The following HCN1 variants were observed in gnomAD, a reference collection of about 807,000 sequenced individuals.
HCN1 encodes hyperpolarization activated cyclic nucleotide gated potassium channel 1.
Under a neutral mutation model 78.9 loss-of-function variants are expected in HCN1, and 13 were observed. The ratio of observed to expected loss-of-function variants is 0.16; its 90% CI spans 0.11 to 0.26. The LOEUF is 0.26. Among genes scored for constraint, HCN1 ranks in the 10% least tolerant of loss-of-function variants. The pLI, the probability that HCN1 is intolerant of heterozygous loss-of-function variation, is 1.00. For missense variants in HCN1, 810 were observed against 1,154.3 expected (o/e 0.70, Z 4.32); for synonymous variants, 552 against 455.5 (o/e 1.21, Z -2.70).
At chr5:45,594,848 T>C (rs1220860141) in intron 2 of HCN1, among the ~76,000 whole-genome samples, 1 of 152,130 alleles carries the variant, frequency 6.6e-6, no homozygotes, top group African/African-American at 2.4e-5. Flanking sequence ...AGTACAGAAG[T>C]TCTATCAGTG....
At chr5:45,497,696 A>C (rs1371403318) in intron 2 of HCN1, among the ~76,000 whole-genome samples, 2 of 151,892 alleles carry the variant, frequency 1.3e-5, no homozygotes, top group Admixed American at 6.6e-5. Flanking sequence ...CATTTAGTAC[A>C]TTTACATGAA....
In HCN1 at chr5:45,573,934, A is replaced by G. The variant is rs2625503; in HGVS notation, c.849+71251T>C. On this transcript the variant is annotated intron_variant, in intron 2 of 7. Transcript: ENST00000303230. ...AGAAAAATACACTGAATTTGCCCTT[A>G]TAAATTATAATTTGTAAAAATTAAT... Among the ~76,000 whole-genome samples the G allele has an allele frequency of 7.3e-3, 1,119 of 152,270 alleles. 11 individuals are homozygous for G. The highest frequency in any genetic ancestry group is 0.026 in the African/African-American group (1,070 of 41,580).
intron 2 of HCN1, among the ~76,000 whole-genome samples, chr5:45,538,972 G>T (rs1327390022): frequency 6.6e-6 from 1 of 152,114 alleles, no homozygotes; most frequent in African/African-American, 2.4e-5. Flanking sequence ...CTTTCTCAAT[G>T]AAACAATCGA....
chr5:45,603,766 C>T (rs1467682700), intron 2 of HCN1, among the ~76,000 whole-genome samples: 1 of 151,914 alleles, frequency 6.6e-6, no homozygotes, highest in East Asian at 1.9e-4. Flanking sequence ...TGAAAACATG[C>T]CCCAATATAG....
intron 2 of HCN1, among the ~76,000 whole-genome samples, chr5:45,531,167 G>T (rs1322592649): frequency 1.3e-5 from 2 of 152,022 alleles, no homozygotes; most frequent in East Asian, 3.9e-4. Flanking sequence ...TGTTTCACAT[G>T]AATAATCTAT....
Position 45,466,065 on chromosome 5 carries a change from C to T in HCN1, c.850-4058G>A, listed in dbSNP as rs192768899. ...AAATTCTACCTTAATATTTGCGAAT[C>T]GTTCATCATAAATGTGATTTTTTGT... On this transcript the variant is annotated intron_variant, in intron 2 of 7. Transcript: ENST00000303230. 3.8e-3 allele frequency among the ~76,000 whole-genome samples: 578 copies of T among 152,242 alleles called. 4 individuals are homozygous for T. The highest frequency in any genetic ancestry group is 5.3e-3 in the Non-Finnish European group (361 of 68,002).
At chr5:45,559,765 C>T (rs945968384) in intron 2 of HCN1, 9 of 152,276 alleles carry the variant, frequency 5.9e-5, no homozygotes, top group African/African-American at 2.2e-4. Flanking sequence ...AGAATACTGA[C>T]TTCAATTTTG....
intron 2 of HCN1, among the ~76,000 whole-genome samples, chr5:45,487,934 A>C (rs940829870): frequency 1.3e-5 from 2 of 152,132 alleles, no homozygotes; most frequent in Admixed American, 1.3e-4. Flanking sequence ...TTTTTAAATG[A>C]TAAAACACAA....
chr5:45,492,254 A>G (rs1741899173), intron 2 of HCN1, among the ~76,000 whole-genome samples: 1 of 148,960 alleles, frequency 6.7e-6, no homozygotes, highest in Admixed American at 6.8e-5. Context: ...AGCCATTTTT[A>G]CCCTCCCAAA....
In HCN1 at chr5:45,390,809, T is replaced by A. The variant is rs183719762; in HGVS notation, c.1230+5683A>T. ...TTATAAAGACTTACTCCAGACTTTA[T>A]AACAACACTTAGTTAATATAAAAAT... On this transcript the variant is annotated intron_variant, in intron 4 of 7. Coordinates refer to ENST00000303230, the MANE Select transcript of HCN1 (RefSeq NM_021072.4). Among the ~76,000 whole-genome samples, 1,082 of 152,284 alleles carry A rather than the reference T, an allele frequency of 7.1e-3. 4 individuals are homozygous for A. The highest frequency in any genetic ancestry group is 0.012 in the Non-Finnish European group (842 of 68,012).
At chr5:45,404,474 T>TTCA (rs1288737586) in intron 3 of HCN1, among the ~76,000 whole-genome samples, 4 of 149,460 alleles carry the variant, frequency 2.7e-5, no homozygotes, top group Admixed American at 6.7e-5. Flanking sequence ...AGTTAATCAC[T>TTCA]TCACTTAGGC....
At chr5:45,267,463 T>TTAA (rs1554014669) in intron 6 of HCN1, among the ~76,000 whole-genome samples, 2 of 141,568 alleles carry the variant, frequency 1.4e-5, no homozygotes, top group African/African-American at 5.1e-5. Context: ...TGTTTTGTTT[T>TTAA]AAAAAAAAAA....
rs992777001 is a variant in HCN1, at chr5:45,540,063, T to TA, written c.850-78057dup. ...TTTTACATAATGATAATAAATGCTG[T>TA]AAAAAACATCTTTGCAAATAGTGCT... On this transcript the variant is annotated intron_variant, in intron 2 of 7. Transcript: ENST00000303230. Among the ~76,000 whole-genome samples the TA allele has an allele frequency of 1.4e-4, 21 of 151,048 alleles. 1 individual carries two copies. The highest frequency in any genetic ancestry group is 4.6e-4 in the African/African-American group (19 of 41,274).
intron 1 of HCN1, among the ~76,000 whole-genome samples, chr5:45,657,594 A>G (rs1037810458): frequency 6.6e-6 from 1 of 152,120 alleles, no homozygotes; most frequent in Non-Finnish European, 1.5e-5. Context: ...TTTTAAAGAT[A>G]TGGCTTCTAC....
chr5:45,268,751 G>T (rs547335719), intron 6 of HCN1, among the ~76,000 whole-genome samples: 132 of 152,178 alleles, frequency 8.7e-4, no homozygotes, highest in African/African-American at 3.1e-3. Context: ...AATATTGTGG[G>T]GTCTGTGTGT....
rs1228708304 is a variant in HCN1 at position 45,440,475 on chromosome 5, C to T, written c.1011+21371G>A. Among the ~76,000 whole-genome samples the T allele has an allele frequency of 2.6e-5, 4 of 152,136 alleles. No homozygotes were observed. In the East Asian group the frequency reaches 7.7e-4, roughly 29 times the overall value. On this transcript the variant is annotated intron_variant, in intron 3 of 7. Coordinates refer to ENST00000303230, the MANE Select transcript of HCN1 (RefSeq NM_021072.4). ...GAAACTCATGCCCCTCTTGTGACTA[C>T]CCACTAATACTCAGAAATATGACAC...
At chr5:45,354,442 C>T (rs181823780) in intron 4 of HCN1, among the ~76,000 whole-genome samples, 2 of 151,934 alleles carry the variant, frequency 1.3e-5, no homozygotes, top group Admixed American at 6.6e-5. Flanking sequence ...ATTTGATATA[C>T]TTTATATGGA....
At chr5:45,668,767 C>T (rs1746097283) in intron 1 of HCN1, among the ~76,000 whole-genome samples, 1 of 151,742 alleles carries the variant, frequency 6.6e-6, no homozygotes, top group Non-Finnish European at 1.5e-5. Context: ...AAGCATGATG[C>T]TTGTTTTCCA....
chr5:45,296,534 C>T (rs1745497762), intron 6 of HCN1, among the ~76,000 whole-genome samples: 1 of 151,794 alleles, frequency 6.6e-6, no homozygotes, highest in Non-Finnish European at 1.5e-5. Context: ...ATTGAAAAAT[C>T]AGTATTCTAA....
Sources: gnomAD v4.1 joint callset for allele counts (sites outside exome capture counted in the v4.1 genomes callset) on GRCh38, gnomAD v4.1.1 for gene constraint, MANE v1.5 for transcripts, NCBI Gene and HGNC (gene_info 2026-07-23, HGNC 2026-07-21) for gene names.